The following DPP6 variants were observed in gnomAD, a reference collection of about 807,000 sequenced individuals.
DPP6 encodes the protein A-type potassium channel modulatory protein DPP6.
A neutral mutation model predicts 122.6 loss-of-function variants in DPP6; 69 were observed. The observed-to-expected ratio is 0.56, with a 90% CI of 0.46 to 0.69. The LOEUF is 0.69. DPP6 is among the 30% of genes least tolerant of loss of function. DPP6 has a pLI of 0.00. For synonymous variants in DPP6, 418 were observed against 433.1 expected (o/e 0.97, Z 0.43); for missense variants, 928 against 1,116.9 (o/e 0.83, Z 2.41).
the DPP6 span, among the ~76,000 whole-genome samples, chr7:153,813,065 A>T: frequency 1.7e-3 from 252 of 152,012 alleles, no homozygotes; most frequent in Middle Eastern, 0.037. Flanking sequence ...CATGTGCACA[A>T]TGTGCAGGCT....
At chr7:154,280,196 A>T (rs988162496) in intron 1 of DPP6, among the ~76,000 whole-genome samples, 1 of 150,806 alleles carries the variant, frequency 6.6e-6, no homozygotes, top group Admixed American at 6.6e-5. Flanking sequence ...CTGTTTTTTT[A>T]TAAAAAAAGG....
chr7:154,204,421 T>C (rs1268050816), intron 1 of DPP6, among the ~76,000 whole-genome samples: 2 of 152,192 alleles, frequency 1.3e-5, no homozygotes, highest in African/African-American at 4.8e-5. Flanking sequence ...TTCCAGCTTA[T>C]AGCATAGAAT....
At chr7:154,727,694 A>G (rs759184197) in intron 7 of DPP6, 73 bp from the exon 8 acceptor site, 1 of 1,488,926 alleles carries the variant, frequency 6.7e-7, no homozygotes, top group Non-Finnish European at 9.0e-7. Context: ...TGATGATTTC[A>G]GATTTTTTAA....
chr7:154,828,080 A>C (rs377377866), intron 16 of DPP6, among the ~76,000 whole-genome samples: 2 of 152,106 alleles, frequency 1.3e-5, no homozygotes, highest in African/African-American at 4.8e-5. Context: ...GACTATTTGC[A>C]GAACTCGAAT....
chr7:154,051,429 C>T (rs2129061591), upstream of DPP6, among the ~76,000 whole-genome samples: 1 of 151,242 alleles, frequency 6.6e-6, no homozygotes, highest in South Asian at 2.1e-4. Context: ...AGAAGGGAGC[C>T]GGGGAGGACG....
At chr7:154,077,851 A>G (rs1284689039) in intron 1 of DPP6, among the ~76,000 whole-genome samples, 1 of 151,766 alleles carries the variant, frequency 6.6e-6, no homozygotes, top group Non-Finnish European at 1.5e-5. Flanking sequence ...TTGTATTTTT[A>G]GTAGAGATGG....
chr7:154,160,362 C>T (rs1005607709), intron 1 of DPP6, among the ~76,000 whole-genome samples: 2 of 152,192 alleles, frequency 1.3e-5, no homozygotes, highest in East Asian at 1.9e-4. Flanking sequence ...TATTGTGCTG[C>T]AAAGTCACCT....
At chr7:154,888,617 G>A (rs1010573983) in intron 23 of DPP6, among the ~76,000 whole-genome samples, 1 of 152,204 alleles carries the variant, frequency 6.6e-6, no homozygotes, top group Non-Finnish European at 1.5e-5. Flanking sequence ...TGAAATGATG[G>A]CCCTCTAAGG....
intron 1 of DPP6, among the ~76,000 whole-genome samples, chr7:154,125,654 T>C (rs1369300641): frequency 6.6e-6 from 1 of 152,182 alleles, no homozygotes; most frequent in African/African-American, 2.4e-5. Flanking sequence ...GTTACTGGCT[T>C]TCTTCTGCTG....
chr7:153,823,372 G>A, the DPP6 span, among the ~76,000 whole-genome samples: 1 of 148,778 alleles, frequency 6.7e-6, no homozygotes, highest in Non-Finnish European at 1.5e-5. Context: ...TTCCACAGGG[G>A]GCCTCTTGCC....
At chr7:154,672,793 T>C (rs1838647420) in intron 7 of DPP6, among the ~76,000 whole-genome samples, 1 of 152,202 alleles carries the variant, frequency 6.6e-6, no homozygotes, top group African/African-American at 2.4e-5. Flanking sequence ...CGCCTTCTTC[T>C]GCAGAAGGTC....
Position 154,173,205 on chromosome 7 carries a change from A to G in DPP6, c.243+120142A>G, listed in dbSNP as rs185932116. ...TAACAATAACATTACCAGTATTTGT[A>G]TAACAAAAATGGTTTCTGACTGTGC... On this transcript the variant is annotated intron_variant, in intron 1 of 25. Transcript: ENST00000377770. Among the ~76,000 whole-genome samples the G allele has an allele frequency of 1.2e-4, 18 of 152,336 alleles. No homozygotes were observed. In the East Asian group the frequency reaches 3.3e-3, roughly 28 times the overall value.
At chr7:154,192,345 C>T (rs2150767855) in intron 1 of DPP6, among the ~76,000 whole-genome samples, 1 of 152,374 alleles carries the variant, frequency 6.6e-6, no homozygotes, top group East Asian at 1.9e-4. Flanking sequence ...CCAAATCCCA[C>T]AAATGTGATC....
chr7:154,385,450 G>A (rs1389724313), intron 1 of DPP6, among the ~76,000 whole-genome samples: 3 of 152,132 alleles, frequency 2.0e-5, no homozygotes, highest in African/African-American at 4.8e-5. Context: ...CTGGGTGGTG[G>A]GAGGAAGCCC....
At chr7:154,126,775 G>A (rs1487479912) in intron 1 of DPP6, among the ~76,000 whole-genome samples, 2 of 152,146 alleles carry the variant, frequency 1.3e-5, no homozygotes, top group African/African-American at 4.8e-5. Flanking sequence ...CATTAAAAAG[G>A]ATTTGTATGC....
At chr7:154,779,506 G>T (rs1033697405) in intron 10 of DPP6, among the ~76,000 whole-genome samples, 5 of 152,166 alleles carry the variant, frequency 3.3e-5, no homozygotes, top group African/African-American at 1.2e-4. Context: ...GCCTATGGTT[G>T]CACTTTTAAT....
At chr7:154,433,956 A>T (rs1220211585) in intron 1 of DPP6, among the ~76,000 whole-genome samples, 1 of 152,186 alleles carries the variant, frequency 6.6e-6, no homozygotes, top group East Asian at 1.9e-4. Flanking sequence ...ACATGTTGTG[A>T]CTAAAACACA....
the DPP6 span, among the ~76,000 whole-genome samples, chr7:153,816,276 G>A: frequency 0.035 from 3,894 of 112,446 alleles, no homozygotes; most frequent in African/African-American, 0.086. Context: ...AGGAAAACAA[G>A]ATCTGGTAAA....
At chr7:154,387,693 A>G (rs184339208) in intron 1 of DPP6, among the ~76,000 whole-genome samples, 1 of 151,920 alleles carries the variant, frequency 6.6e-6, no homozygotes, top group African/African-American at 2.4e-5. Context: ...CCTCCCCCCA[A>G]CCGAGCCCCA....
Sources: allele counts gnomAD v4.1 joint callset (sites outside exome capture counted in the v4.1 genomes callset), GRCh38; gene constraint gnomAD v4.1.1; transcripts MANE v1.5; gene names NCBI Gene and HGNC (gene_info 2026-07-23, HGNC 2026-07-21).